The following ZNF726 variants were observed in gnomAD, a reference collection of about 807,000 sequenced individuals.
ZNF726 encodes the protein zinc finger protein 92 pseudogene 3.
Under a neutral mutation model 11.6 loss-of-function variants are expected in ZNF726, and 15 were observed. That is an observed-to-expected ratio of 1.29 (90% CI 0.86 to 1.99). The LOEUF is 1.99. Among genes scored for constraint, ZNF726 ranks in the 30% most tolerant of loss-of-function variants. ZNF726 has a pLI of 0.00. For missense variants in ZNF726, 890 were observed against 725.6 expected (o/e 1.23, Z -2.60); for synonymous variants, 295 against 243.6 (o/e 1.21, Z -1.96).
Position 23,933,556 on chromosome 19 carries a change from CT to C in ZNF726, c.1441del (p.Tyr481ThrfsTer21). ...HKRMHTGEKPYKCEECGKAFS... is the reference protein window; with the variant it reads ...HKRMHTGEKPXKCEECGKAFS... Reference sequence around the variant, plus strand: ...AGAGGATGCACACTGGAGAGAAACCCTACAAATGTGAAGAATGTGGCAAAGC... The same window carrying C: ...AGAGGATGCACACTGGAGAGAAACCCACAAATGTGAAGAATGTGGCAAAGC... On this transcript the variant is annotated frameshift_variant, in exon 4 of 4. Coordinates refer to ENST00000594466, the MANE Select transcript of ZNF726 (RefSeq NM_001244038.2). LOFTEE classifies it low-confidence loss of function (END_TRUNC). The C allele has an allele frequency of 6.2e-7, 1 of 1,612,652 alleles. No individual in the cohort carries two copies. The highest frequency in any genetic ancestry group is 2.2e-5 in the East Asian group (1 of 44,818).
chr19:23,916,496 A>G (rs1036222631), intron 1 of ZNF726, among the ~76,000 whole-genome samples: 3 of 151,948 alleles, frequency 2.0e-5, no homozygotes, highest in African/African-American at 4.8e-5. Flanking sequence ...ACGCCTGGCT[A>G]ATTTTTGTAG....
At chr19:23,919,529 A>T in intron 2 of ZNF726, 30 bp downstream of exon 2, 1 of 1,550,050 alleles carries the variant, frequency 6.5e-7, no homozygotes, top group Non-Finnish European at 8.7e-7. Context: ...AAAATTTTTA[A>T]TATAAACTAA....
At chr19:23,942,162 T>G (rs1282213549) in intron 3 of ZNF726, among the ~76,000 whole-genome samples, 1 of 152,184 alleles carries the variant, frequency 6.6e-6, no homozygotes, top group Non-Finnish European at 1.5e-5. Flanking sequence ...GGTTGTGTCA[T>G]TATTGTCATT....
downstream of ZNF726, among the ~76,000 whole-genome samples, chr19:23,937,324 CG>C (rs1329823834): frequency 3.3e-5 from 5 of 151,814 alleles, no homozygotes; most frequent in African/African-American, 1.2e-4. Flanking sequence ...GGCTAGCGGG[CG>C]GAGACCCTCC....
chr19:23,937,299 C>T (rs1968257254), downstream of ZNF726, among the ~76,000 whole-genome samples: 1 of 151,846 alleles, frequency 6.6e-6, no homozygotes, highest in Admixed American at 6.5e-5. Context: ...CCCCCACCTC[C>T]CTTCCGGACG....
At chr19:23,922,179 T>G (rs2144966815) in intron 3 of ZNF726, among the ~76,000 whole-genome samples, 1 of 152,178 alleles carries the variant, frequency 6.6e-6, no homozygotes, top group East Asian at 1.9e-4. Flanking sequence ...TTAGACAGAG[T>G]GAGTATCCTT....
Position 23,934,375 on chromosome 19 carries a change from A to G in ZNF726, c.*408A>G. On this transcript the variant is annotated 3_prime_UTR_variant, in exon 4 of 4. Coordinates refer to ENST00000594466, the MANE Select transcript of ZNF726 (RefSeq NM_001244038.2). ...CTGAACATAAAGTAATTCATACTGA[A>G]GAGAAACCCTACAAATGTGAAAAAT... 1 of 519,830 alleles carries G rather than the reference A, an allele frequency of 1.9e-6. No homozygotes were observed. Among genetic ancestry groups the G allele is most frequent in the South Asian group, 1.5e-5 (1 of 67,544 alleles). The allele number at this position is 519,830 out of a possible 1,614,324, so 32.2% of individuals were successfully genotyped here. A position where few individuals can be genotyped will look rare whatever the true frequency, so the allele number is the denominator to read the frequency against.
chr19:23,936,739 TTTTTA>T (rs1275879513), downstream of ZNF726, among the ~76,000 whole-genome samples: 1 of 151,586 alleles, frequency 6.6e-6, no homozygotes, highest in Non-Finnish European at 1.5e-5. Flanking sequence ...TTGATTTTTA[TTTTTA>T]TTTTAATTTA....
chr19:23,915,304 G>C lies in ZNF726; in HGVS notation c.3+307G>C, dbSNP rs577656494. 2.0e-5 allele frequency among the ~76,000 whole-genome samples: 3 copies of C among 152,248 alleles called. No homozygotes were observed. The South Asian group carries it at 6.2e-4, about 32-fold the overall frequency. ...GCAGGGACCATGGGAGGAACGTCAGGGCAGAATCCTGACTCCGGGTGCGGG... is the reference window on the plus strand; with the variant it reads ...GCAGGGACCATGGGAGGAACGTCAGCGCAGAATCCTGACTCCGGGTGCGGG... On this transcript the variant is annotated intron_variant, in intron 1 of 3. Coordinates refer to ENST00000594466, the MANE Select transcript of ZNF726 (RefSeq NM_001244038.2).
intron 3 of ZNF726, among the ~76,000 whole-genome samples, chr19:23,940,439 C>T (rs777005072): frequency 2.6e-5 from 4 of 151,990 alleles, no homozygotes; most frequent in African/African-American, 4.8e-5. Flanking sequence ...TAGTGTGGTG[C>T]CTCGAGATTT....
At position 23,914,929 on chromosome 19, in the gene ZNF726, C is replaced by G. The variant is rs1211979364; in HGVS notation, c.-66C>G. 1.9e-6 allele frequency: 3 copies of G among 1,610,828 alleles called. No homozygotes were observed. The highest frequency in any genetic ancestry group is 1.3e-5 in the African/African-American group (1 of 74,894). The stretch of plus-strand genomic sequence containing the variant: ...AGCTCCAGGTCTCGTCCTCACTACT[C>G]TGTGTCTTCTGCTTTTAGGGGCGCA... On this transcript the variant is annotated 5_prime_UTR_variant, in exon 1 of 4. Transcript: ENST00000594466.
intron 1 of ZNF726, among the ~76,000 whole-genome samples, chr19:23,917,606 T>C (rs1188503598): frequency 6.6e-6 from 1 of 152,126 alleles, no homozygotes; most frequent in Non-Finnish European, 1.5e-5. Context: ...TTCAGTTCCT[T>C]TTTTTTAGCA....
In ZNF726 at chr19:23,933,358, A is replaced by T. The variant is rs1158219318; in HGVS notation, c.1242A>T (p.Lys414Asn). The T allele has an allele frequency of 1.9e-6, 3 of 1,612,996 alleles. No homozygotes were observed. The Admixed American group carries it at 5.0e-5, about 27-fold the overall frequency. ...TTCATCGATCCTCAAATCTTACTAA[A>T]CATAAGATAATTCATACTGGAGAGA... ...KAFHRSSNLTKHKIIHTGEKP... is the reference protein window; with the variant it reads ...KAFHRSSNLTNHKIIHTGEKP... Residue 414 changes from lysine (K) to asparagine (N), a missense_variant, in exon 4 of 4, where the codon AAA becomes AAT. Physicochemically the swap from Lys to Asn is moderately conservative, Grantham distance 94. Coordinates refer to ENST00000594466, the MANE Select transcript of ZNF726 (RefSeq NM_001244038.2).
At position 23,932,737 on chromosome 19, in the gene ZNF726, A is replaced by C; in HGVS notation, c.621A>C (p.Gly207=). 2 of 1,611,310 alleles carry C rather than the reference A, an allele frequency of 1.2e-6. No individual in the cohort carries two copies. The highest frequency in any genetic ancestry group is 2.2e-5 in the South Asian group (2 of 90,424). Residue 207 remains glycine (G), a synonymous_variant, in exon 4 of 4, where the codon GGA becomes GGC. Coordinates refer to ENST00000594466, the MANE Select transcript of ZNF726 (RefSeq NM_001244038.2). The part of the protein sequence containing the change: ...TEKSYKCKEC[G]KTFNWSSTLT... ...AGTCCTACAAATGTAAAGAATGTGGAAAAACCTTTAATTGGTCCTCAACCC... is the reference window on the plus strand; with the variant it reads ...AGTCCTACAAATGTAAAGAATGTGGCAAAACCTTTAATTGGTCCTCAACCC...
Position 23,932,866 on chromosome 19 carries a change from T to C in ZNF726, c.750T>C (p.Thr250=). The C allele has an allele frequency of 6.2e-7, 1 of 1,608,454 alleles. No homozygotes were observed. Among genetic ancestry groups the C allele is most frequent in the Non-Finnish European group, 8.5e-7 (1 of 1,177,714 alleles). ...CAAATTATACTACACATAAGGTAAC[T>C]CATACTGGAGAGAAGCCTTACAAGT... ...QSSNYTTHKV[T]HTGEKPYKCE... Residue 250 remains threonine (T), a synonymous_variant, in exon 4 of 4, where the codon ACT becomes ACC. Coordinates refer to ENST00000594466, the MANE Select transcript of ZNF726 (RefSeq NM_001244038.2).
At chr19:23,928,832 C>T (rs1255832901) in intron 3 of ZNF726, 1 of 152,134 alleles carries the variant, frequency 6.6e-6, no homozygotes, top group Admixed American at 6.5e-5. Context: ...AGGTCTCACT[C>T]TGTCAACCAG....
At chr19:23,941,677 AATTCTTCCTG>A (rs1599478164) in intron 3 of ZNF726, among the ~76,000 whole-genome samples, 2 of 152,026 alleles carry the variant, frequency 1.3e-5, no homozygotes, top group East Asian at 3.9e-4. Flanking sequence ...CAGGGTATCT[AATTCTTCCTG>A]ATTTAAGCTA....
intron 3 of ZNF726, among the ~76,000 whole-genome samples, chr19:23,941,130 TTTATTAC>T (rs1968331835): frequency 6.6e-6 from 1 of 152,174 alleles, no homozygotes; most frequent in South Asian, 2.1e-4. Context: ...ATAGATAGCT[TTTATTAC>T]ATGAAGTTGT....
chr19:23,933,219 C>T lies in ZNF726; in HGVS notation c.1103C>T (p.Pro368Leu), dbSNP rs771471156. The change falls in exon 4 of 4, where the codon CCC becomes CTC. Residue 368 changes from proline to leucine, a missense_variant. Pro to Leu is a moderately conservative substitution (Grantham distance 98, BLOSUM62 -3). Transcript: ENST00000594466. ...AGGATAATTCATACTGGAGAGAAAC[C>T]CTACAAATGTGAAGAATGTGGCAAA... ...THRIIHTGEK[P>L]YKCEECGKAF... The T allele has an allele frequency of 1.5e-5, 25 of 1,613,158 alleles. No individual in the cohort carries two copies. In the East Asian group the frequency reaches 5.1e-4, roughly 33 times the overall value.
Sources: allele counts gnomAD v4.1 joint callset (sites outside exome capture counted in the v4.1 genomes callset), GRCh38; gene constraint gnomAD v4.1.1; transcripts MANE v1.5; gene names NCBI Gene and HGNC (gene_info 2026-07-23, HGNC 2026-07-21).